ARHGAP28: variants seen among roughly 807,000 people sequenced by gnomAD.
ARHGAP28 encodes Rho GTPase activating protein 28.
In ARHGAP28, 56 loss-of-function variants were observed where a neutral mutation model predicts 90.7. The observed-to-expected ratio is 0.62, with a 90% CI of 0.50 to 0.77. ARHGAP28 has a LOEUF of 0.77. Ranked by LOEUF, ARHGAP28 falls within the 30% of genes least tolerant of loss-of-function variation. ARHGAP28 has a pLI of 0.00. For synonymous variants in ARHGAP28, 308 were observed against 323.3 expected, an observed-to-expected ratio of 0.95 and a Z score of 0.51; for missense variants, 869 against 900.9, an observed-to-expected ratio of 0.96 and a Z score of 0.45.
intron 1 of ARHGAP28, among the ~76,000 whole-genome samples, chr18:6,785,237 C>T (rs900597101): frequency 2.0e-5 from 3 of 152,110 alleles, no homozygotes; most frequent in Non-Finnish European, 2.9e-5. Context: ...TCCAGATTAC[C>T]TCAGCAAGAG....
rs2057415005 is a variant in ARHGAP28 at position 6,914,814 on chromosome 18, G to C, written c.*2660G>C. ...AATGCTTATTCAGAAAAAAATCCTA[G>C]AGTTGATTCATTGTTTTCCTCCATC... On this transcript the variant is annotated 3_prime_UTR_variant, in exon 18 of 18. Coordinates refer to ENST00000383472, the MANE Select transcript of ARHGAP28 (RefSeq NM_001366230.1). The C allele has an allele frequency of 6.6e-6, 1 of 152,504 alleles. No individual in the cohort carries two copies. Among genetic ancestry groups the C allele is most frequent in the Non-Finnish European group, 1.5e-5 (1 of 68,028 alleles). The allele number at this position is 152,504 out of a possible 1,614,324, so 9.4% of individuals were successfully genotyped here. A position where few individuals can be genotyped will look rare whatever the true frequency, so the allele number is the denominator to read the frequency against.
At chr18:6,855,402 A>G (rs1183339131) in intron 4 of ARHGAP28, among the ~76,000 whole-genome samples, 1 of 152,126 alleles carries the variant, frequency 6.6e-6, no homozygotes, top group Admixed American at 6.5e-5. Context: ...GGGACTACCA[A>G]TTGTGGGAAA....
At position 6,887,163 on chromosome 18, in the gene ARHGAP28, C is replaced by T. The variant is rs1324817295; in HGVS notation, c.1460C>T (p.Pro487Leu). The change falls in exon 12 of 18, where the codon CCT becomes CTT. Residue 487 changes from proline (P) to leucine (L), a missense_variant. Transcript: ENST00000383472. The part of the protein sequence containing the change: ...PAFISLMERG[P>L]HVKVQFQALH... ...ATTTCTGTTTTCTTGTTAGGAGGGC[C>T]TCACGTCAAAGTACAGTTTCAAGCC... is the stretch of plus-strand genomic sequence containing the variant. 2 of 1,613,962 alleles carry T rather than the reference C, an allele frequency of 1.2e-6. No homozygotes were observed. Among genetic ancestry groups the T allele is most frequent in the Admixed American group, 1.7e-5 (1 of 60,010 alleles).
At chr18:6,899,394 G>A (rs569865099) in intron 16 of ARHGAP28, among the ~76,000 whole-genome samples, 13 of 152,220 alleles carry the variant, frequency 8.5e-5, no homozygotes, top group South Asian at 2.1e-4. Flanking sequence ...AGAGCACTGC[G>A]GAAACTTCCA....
intron 7 of ARHGAP28, 71 bp from the exon 8 acceptor site, chr18:6,873,338 G>A: frequency 7.6e-7 from 1 of 1,313,272 alleles, no homozygotes; most frequent in East Asian, 2.3e-5. Flanking sequence ...GAGTGTCCAG[G>A]TGGCATTTGA....
intron 3 of ARHGAP28, among the ~76,000 whole-genome samples, chr18:6,842,670 T>C (rs73384547): frequency 0.014 from 2,159 of 152,272 alleles, 52 homozygotes; most frequent in African/African-American, 0.05. Flanking sequence ...AATGACTAGA[T>C]TGACAGATTG....
chr18:6,798,936 G>C (rs1349000252), intron 1 of ARHGAP28, among the ~76,000 whole-genome samples: 1 of 152,160 alleles, frequency 6.6e-6, no homozygotes, highest in Non-Finnish European at 1.5e-5. Context: ...ACAGACTGAG[G>C]GATGTCAAAA....
At chr18:6,780,379 G>A (rs1432616230) in intron 1 of ARHGAP28, among the ~76,000 whole-genome samples, 1 of 152,156 alleles carries the variant, frequency 6.6e-6, no homozygotes, top group African/African-American at 2.4e-5. Flanking sequence ...TTTACATAGG[G>A]TTTACATTGT....
At chr18:6,875,742 A>C (rs1337367210) in intron 9 of ARHGAP28, among the ~76,000 whole-genome samples, 1 of 152,204 alleles carries the variant, frequency 6.6e-6, no homozygotes, top group African/African-American at 2.4e-5. Context: ...TTTCTTAGTC[A>C]GAGTGATTGC....
At chr18:6,768,043 G>T (rs746977714) in intron 1 of ARHGAP28, among the ~76,000 whole-genome samples, 1 of 151,688 alleles carries the variant, frequency 6.6e-6, no homozygotes, top group Non-Finnish European at 1.5e-5. Context: ...TCCATATTTT[G>T]TCTCCAAATT....
intron 1 of ARHGAP28, among the ~76,000 whole-genome samples, chr18:6,764,792 G>A (rs2056187655): frequency 1.3e-5 from 2 of 152,178 alleles, no homozygotes; most frequent in South Asian, 4.1e-4. Context: ...CTTTCTGCAT[G>A]TTATACTCTG....
chr18:6,879,279 T>C (rs1434161690), intron 10 of ARHGAP28, among the ~76,000 whole-genome samples: 1 of 152,226 alleles, frequency 6.6e-6, no homozygotes, highest in African/African-American at 2.4e-5. Flanking sequence ...AGATTTTCTT[T>C]TTTGACTAGT....
At chr18:6,898,288 A>G (rs2057318372) in intron 16 of ARHGAP28, 4 of 477,316 alleles carry the variant, frequency 8.4e-6, no homozygotes, top group Non-Finnish European at 1.5e-5. Flanking sequence ...ATGGCCTCAA[A>G]CGTTTTTTTT....
intron 1 of ARHGAP28, among the ~76,000 whole-genome samples, chr18:6,739,110 G>A (rs2055953491): frequency 6.6e-6 from 1 of 152,156 alleles, no homozygotes; most frequent in South Asian, 2.1e-4. Context: ...CACACAGCAA[G>A]GAGAGCCAAG....
At chr18:6,750,253 A>T (rs923931844) in intron 1 of ARHGAP28, among the ~76,000 whole-genome samples, 1 of 152,202 alleles carries the variant, frequency 6.6e-6, no homozygotes, top group African/African-American at 2.4e-5. Flanking sequence ...AGAAACTGAG[A>T]TACAGGGTAA....
intron 5 of ARHGAP28, among the ~76,000 whole-genome samples, chr18:6,866,076 G>A (rs1009910971): frequency 6.6e-6 from 1 of 152,190 alleles, no homozygotes; most frequent in African/African-American, 2.4e-5. Flanking sequence ...AATGATATAT[G>A]TCAAGCATCT....
rs2056651639 is a variant in ARHGAP28, at chr18:6,824,937, C to T, written c.298C>T (p.Pro100Ser). The T allele has an allele frequency of 6.5e-7, 1 of 1,535,448 alleles. No individual in the cohort carries two copies. Among genetic ancestry groups the T allele is most frequent in the African/African-American group, 1.4e-5 (1 of 73,010 alleles). The change falls in exon 2 of 18, where the codon CCG becomes TCG. Residue 100 changes from proline to serine, a missense_variant. By Grantham distance (74) the Pro-to-Ser change is moderately conservative. Coordinates refer to ENST00000383472, the MANE Select transcript of ARHGAP28 (RefSeq NM_001366230.1). ...CAGCATGGGAGGGCAAGAAGAGCCA[C>T]CGCCAGCTGAGGTCACACCTGTGGA... ...DSSMGGQEEP[P>S]PAEVTPVDEG...
At chr18:6,817,680 C>A (rs543505154) in intron 1 of ARHGAP28, among the ~76,000 whole-genome samples, 1 of 152,170 alleles carries the variant, frequency 6.6e-6, no homozygotes, top group East Asian at 1.9e-4. Context: ...CTTGGCTTTT[C>A]TCTCATAATG....
At chr18:6,836,245 T>C (rs963861376) in intron 2 of ARHGAP28, 1 of 152,536 alleles carries the variant, frequency 6.6e-6, no homozygotes, top group African/African-American at 2.4e-5. Context: ...AGGGAGAAGA[T>C]GGCAGCTCGT....
Sources: gnomAD v4.1 joint callset for allele counts (sites outside exome capture counted in the v4.1 genomes callset) on GRCh38, gnomAD v4.1.1 for gene constraint, MANE v1.5 for transcripts, NCBI Gene and HGNC (gene_info 2026-07-23, HGNC 2026-07-21) for gene names.